The following MROH1 variants were observed in gnomAD, a reference collection of about 807,000 sequenced individuals.
MROH1 encodes maestro heat-like repeat-containing protein family member 1.
MROH1 carries 117 observed loss-of-function variants against 116.5 expected under a neutral mutation model. That is an observed-to-expected ratio of 1.00 (90% CI 0.86 to 1.17). The LOEUF (loss-of-function observed/expected upper bound fraction) is 1.17. Among genes scored for constraint, MROH1 ranks in the 50% most tolerant of loss-of-function variants. MROH1 has a pLI of 0.00. For missense variants in MROH1, 1,873 were observed against 1,338.5 expected (o/e 1.40, Z -6.23); for synonymous variants, 921 against 583.9 (o/e 1.58, Z -8.32).
chr8:144,243,664 A>G, intron 25 of MROH1, 48 bp downstream of exon 25: 1 of 775,518 alleles, frequency 1.3e-6, no homozygotes, highest in Admixed American at 1.7e-5. Flanking sequence ...TTCCTGGGAG[A>G]CTGAGGCCAG....
chr8:144,175,155 G>A (rs1441703610), intron 4 of MROH1: 1 of 985,162 alleles, frequency 1.0e-6, no homozygotes, highest in African/African-American at 1.7e-5. Context: ...TTAATGCCCT[G>A]CTGCACCTGA....
intron 10 of MROH1, among the ~76,000 whole-genome samples, chr8:144,194,407 A>C (rs2131647162): frequency 6.6e-6 from 1 of 152,298 alleles, no homozygotes. Flanking sequence ...TCCCTAAGTT[A>C]ACAAAGTATG....
At position 144,243,519 on chromosome 8, in the gene MROH1, T is replaced by A; in HGVS notation, c.2378T>A (p.Val793Asp). The change falls in exon 25 of 44, where the codon GTC (valine) becomes GAC (aspartate). Residue 793 changes from valine (V) to aspartate (D), a missense_variant. Transcript: ENST00000326134. ...GACCCAGCCCTGAAGCTGTGCCTTGTCCAGAGTGTGTGCATGGTCAGCCGC... is the reference window on the plus strand; with the variant it reads ...GACCCAGCCCTGAAGCTGTGCCTTGACCAGAGTGTGTGCATGGTCAGCCGC... ...TKDPALKLCL[V>D]QSVCMVSRAI... The A allele has an allele frequency of 1.3e-6, 1 of 780,060 alleles. No individual in the cohort carries two copies. The highest frequency in any genetic ancestry group is 2.4e-5 in the East Asian group (1 of 41,252). 48.3% of individuals were successfully genotyped at this position (780,060 alleles called of 1,614,324 possible).
intron 12 of MROH1, among the ~76,000 whole-genome samples, chr8:144,210,396 C>A (rs968674306): frequency 6.7e-6 from 1 of 149,074 alleles, no homozygotes; most frequent in African/African-American, 2.5e-5. Context: ...CGAGATTACG[C>A]CACTGCATAA....
At chr8:144,183,304 C>G (rs1270857006) in intron 7 of MROH1, among the ~76,000 whole-genome samples, 1 of 150,982 alleles carries the variant, frequency 6.6e-6, no homozygotes, top group Non-Finnish European at 1.5e-5. Flanking sequence ...TTGCTTGACC[C>G]TGGGAAGTCG....
At chr8:144,218,125 C>T (rs1243200973) in intron 12 of MROH1, among the ~76,000 whole-genome samples, 2 of 152,154 alleles carry the variant, frequency 1.3e-5, no homozygotes, top group Non-Finnish European at 2.9e-5. Context: ...AAGCCAGCGC[C>T]CCGTCAGCCC....
rs1265679612 is a variant in MROH1 at position 144,191,065 on chromosome 8, G to A, written c.714+130G>A. Reference sequence around the variant, plus strand: ...CAAGCAGAGGTGCCCAATGGGAGGTGGCTCACCTTTATTTATTTTTTTGAG... The same window carrying A: ...CAAGCAGAGGTGCCCAATGGGAGGTAGCTCACCTTTATTTATTTTTTTGAG... On this transcript the variant is annotated intron_variant, in intron 8 of 43. Coordinates refer to ENST00000326134, the MANE Select transcript of MROH1 (RefSeq NM_032450.3). 4 of 997,434 alleles carry A rather than the reference G, an allele frequency of 4.0e-6. No homozygotes were observed. The East Asian group carries it at 1.1e-4, about 27-fold the overall frequency. 61.8% of individuals were successfully genotyped at this position (997,434 alleles called of 1,614,324 possible).
intron 3 of MROH1, among the ~76,000 whole-genome samples, chr8:144,164,634 G>A (rs1820351514): frequency 6.6e-6 from 1 of 152,034 alleles, no homozygotes; most frequent in African/African-American, 2.4e-5. Flanking sequence ...CTGGGCTCAA[G>A]TGATCCACCC....
chr8:144,208,872 C>A (rs1833446548), intron 12 of MROH1, among the ~76,000 whole-genome samples: 1 of 151,964 alleles, frequency 6.6e-6, no homozygotes, highest in Admixed American at 6.6e-5. Context: ...TACAGGCATG[C>A]ACCACCACAT....
At chr8:144,168,517 G>A in intron 4 of MROH1, 77 bp downstream of exon 4, 2 of 1,514,172 alleles carry the variant, frequency 1.3e-6, no homozygotes, top group Non-Finnish European at 1.8e-6. Flanking sequence ...GGAAGAGACA[G>A]TCCAGCCAGG....
In MROH1 at chr8:144,220,639, C is replaced by G. The variant is rs760483406; in HGVS notation, c.1181C>G (p.Ser394Cys). The change falls in exon 13 of 44, where the codon TCC (serine) becomes TGC (cysteine). Residue 394 changes from serine to cysteine, a missense_variant. Ser to Cys is a moderately radical substitution (Grantham distance 112, BLOSUM62 -1). Transcript: ENST00000326134. ...MEDKKPFILS[S>C]MRLPLLDTNS... ...GATAAAAAGCCCTTTATCCTGTCTT[C>G]CATGAGGCTTCCTCTCCTGGACACC... 1.3e-6 allele frequency: 2 copies of G among 1,579,588 alleles called. No individual in the cohort carries two copies. The highest frequency in any genetic ancestry group is 4.6e-5 in the East Asian group (2 of 43,262).
At chr8:144,212,682 C>T (rs1287039504) in intron 12 of MROH1, among the ~76,000 whole-genome samples, 1 of 139,850 alleles carries the variant, frequency 7.2e-6, no homozygotes, top group Non-Finnish European at 1.5e-5. Context: ...CTCTGTTTTC[C>T]AGGTTCAAGC....
rs1554835728 is a variant in MROH1, at chr8:144,261,277, T to C, written c.4775-7T>C. 1.7e-6 allele frequency: 1 copy of C among 596,544 alleles called. No homozygotes were observed. Among genetic ancestry groups the C allele is most frequent in the Non-Finnish European group, 3.1e-6 (1 of 318,614 alleles). 37.0% of individuals were successfully genotyped at this position (596,544 alleles called of 1,614,324 possible). On this transcript the variant is annotated splice_polypyrimidine_tract_variant and splice_region_variant and intron_variant, in intron 42 of 43. Transcript: ENST00000326134. Reference sequence around the variant, plus strand: ...CGGCAGCCCCGCCTGATGCCCCCACTTCACAGGGTTCCTGGTGCTGCACTC... The same window carrying C: ...CGGCAGCCCCGCCTGATGCCCCCACCTCACAGGGTTCCTGGTGCTGCACTC...
chr8:144,165,771 C>T (rs1194160672), intron 3 of MROH1, among the ~76,000 whole-genome samples: 5 of 134,952 alleles, frequency 3.7e-5, no homozygotes, highest in Non-Finnish European at 7.9e-5. Flanking sequence ...TTTGTAGAGA[C>T]GGGGTTTCAC....
intron 7 of MROH1, among the ~76,000 whole-genome samples, chr8:144,190,433 T>TCC (rs1828271560): frequency 6.6e-6 from 1 of 152,036 alleles, no homozygotes; most frequent in South Asian, 2.1e-4. Context: ...GGCAGGAGAA[T>TCC]TGCTTGAACC....
intron 12 of MROH1, among the ~76,000 whole-genome samples, chr8:144,216,424 AGAT>A (rs111404298): frequency 1.7e-3 from 265 of 152,280 alleles, no homozygotes; most frequent in African/African-American, 6.2e-3. Flanking sequence ...CAGTGAGCCG[AGAT>A]CGCACCACTC....
rs2130576549 is a variant in MROH1 at position 144,153,751 on chromosome 8, T to C, written c.-177+5675T>C. On this transcript the variant is annotated intron_variant, in intron 1 of 43. Transcript: ENST00000326134. ...CAGGATCATTGGATGATATGGCAGT[T>C]CTGTTTTTATTTTATTTTTTATTTT... 2.6e-5 allele frequency among the ~76,000 whole-genome samples: 4 copies of C among 152,256 alleles called. No individual in the cohort carries two copies. The Middle Eastern group carries it at 0.01, about 388-fold the overall frequency.
intron 14 of MROH1, among the ~76,000 whole-genome samples, chr8:144,229,648 CAG>C (rs997344055): frequency 3.7e-4 from 56 of 152,218 alleles, no homozygotes; most frequent in African/African-American, 1.3e-3. Context: ...ACCTGGGTGA[CAG>C]AGCAAGACTG....
intron 32 of MROH1, among the ~76,000 whole-genome samples, chr8:144,249,500 G>C (rs1842476971): frequency 2.6e-5 from 4 of 152,112 alleles, no homozygotes; most frequent in Non-Finnish European, 4.4e-5. Context: ...GCTGAGGGTG[G>C]AGAGGAGACT....
Sources: gnomAD v4.1 joint callset for allele counts (sites outside exome capture counted in the v4.1 genomes callset) on GRCh38, gnomAD v4.1.1 for gene constraint, MANE v1.5 for transcripts, NCBI Gene and HGNC (gene_info 2026-07-23, HGNC 2026-07-21) for gene names.